Variants in ERBB4 observed in about 807,000 individuals in gnomAD.
The protein encoded by ERBB4 is receptor tyrosine-protein kinase erbB-4.
In ERBB4, 42 loss-of-function variants were observed where a neutral mutation model predicts 158.0. The ratio of observed to expected loss-of-function variants is 0.27; its 90% CI spans 0.21 to 0.34. ERBB4 has a LOEUF of 0.34. Ranked by LOEUF, ERBB4 falls within the 10% of genes least tolerant of loss-of-function variation. ERBB4 has a pLI of 1.00. For missense variants in ERBB4, 1,333 were observed against 1,624.1 expected (o/e 0.82, Z 3.08); for synonymous variants, 583 against 558.7 (o/e 1.04, Z -0.61).
chr2:211,975,612 G>GAAGGGT (rs1448733337), intron 2 of ERBB4, among the ~76,000 whole-genome samples: 1 of 152,138 alleles, frequency 6.6e-6, no homozygotes, highest in Admixed American at 6.5e-5. Context: ...TATATATTTT[G>GAAGGGT]AAGGGTAAGC....
intron 25 of ERBB4, among the ~76,000 whole-genome samples, chr2:211,398,699 C>T (rs1452533064): frequency 6.6e-6 from 1 of 152,152 alleles, no homozygotes; most frequent in Admixed American, 6.6e-5. Flanking sequence ...GATGTGATGG[C>T]ATATGCCTGT....
intron 3 of ERBB4, among the ~76,000 whole-genome samples, chr2:211,849,375 T>C (rs1335411456): frequency 6.6e-6 from 1 of 152,020 alleles, no homozygotes; most frequent in Non-Finnish European, 1.5e-5. Flanking sequence ...TTGTATATGA[T>C]TTGAAGTTTG....
intron 1 of ERBB4, among the ~76,000 whole-genome samples, chr2:212,360,928 G>A (rs2089664421): frequency 6.6e-6 from 1 of 151,682 alleles, no homozygotes; most frequent in African/African-American, 2.4e-5. Context: ...TGTCAGATAT[G>A]ATACAGTCCC....
intron 1 of ERBB4, among the ~76,000 whole-genome samples, chr2:212,182,834 G>T (rs2081911859): frequency 6.6e-6 from 1 of 151,256 alleles, no homozygotes; most frequent in Non-Finnish European, 1.5e-5. Context: ...TTTCTGCTAT[G>T]AATAGACTAC....
At chr2:211,938,352 G>A (rs2080386525) in intron 3 of ERBB4, among the ~76,000 whole-genome samples, 1 of 152,122 alleles carries the variant, frequency 6.6e-6, no homozygotes, top group African/African-American at 2.4e-5. Context: ...CCCAGATTCT[G>A]AGCCTGTCTT....
rs140316054 is a variant in ERBB4 at position 212,011,372 on chromosome 2, T to G, written c.235-63756A>C. On this transcript the variant is annotated intron_variant, in intron 2 of 27. Transcript: ENST00000342788. ...TCCCATGTGTTTAGTGGCCACAGTA[T>G]TGGACAGTGCAGATATAGAACATTT... Among the ~76,000 whole-genome samples, 405 of 152,236 alleles carry G rather than the reference T, an allele frequency of 2.7e-3. 4 individuals are homozygous for G. The highest frequency in any genetic ancestry group is 9.1e-3 in the African/African-American group (379 of 41,518).
At chr2:211,572,653 T>A (rs1202793742) in intron 19 of ERBB4, among the ~76,000 whole-genome samples, 3 of 152,206 alleles carry the variant, frequency 2.0e-5, no homozygotes, top group African/African-American at 4.8e-5. Context: ...TCTTCAAGCC[T>A]AGCAGTGCTG....
intron 20 of ERBB4, among the ~76,000 whole-genome samples, chr2:211,438,992 G>GTT (rs1306556850): frequency 2.5e-5 from 3 of 118,946 alleles, no homozygotes; most frequent in African/African-American, 1.1e-4. Context: ...ATATTTGAGT[G>GTT]TGTGTGTGTG....
intron 1 of ERBB4, among the ~76,000 whole-genome samples, chr2:212,360,788 A>G (rs2089657799): frequency 6.6e-6 from 1 of 151,688 alleles, no homozygotes; most frequent in African/African-American, 2.4e-5. Context: ...AAAATCATCT[A>G]AATTCTTCAC....
chr2:212,180,826 G>A (rs1029515248), intron 1 of ERBB4, among the ~76,000 whole-genome samples: 4 of 151,496 alleles, frequency 2.6e-5, no homozygotes, highest in Non-Finnish European at 4.4e-5. Context: ...TTACACTCTT[G>A]GGGACATTTA....
At chr2:211,988,957 AT>A (rs1399260483) in intron 2 of ERBB4, among the ~76,000 whole-genome samples, 1 of 152,028 alleles carries the variant, frequency 6.6e-6, no homozygotes, top group African/African-American at 2.4e-5. Context: ...CCATGAATGA[AT>A]TTTAACAGCA....
chr2:212,232,968 A>G (rs112403393), intron 1 of ERBB4, among the ~76,000 whole-genome samples: 12 of 152,328 alleles, frequency 7.9e-5, no homozygotes, highest in African/African-American at 2.6e-4. Context: ...TGTAAATTCT[A>G]GACAGAATTG....
At chr2:211,819,545 A>G (rs2105937499) in intron 3 of ERBB4, among the ~76,000 whole-genome samples, 1 of 152,172 alleles carries the variant, frequency 6.6e-6, no homozygotes, top group South Asian at 2.1e-4. Context: ...AGTAACTATT[A>G]GGAGTATTTC....
In ERBB4 at chr2:211,944,208, A is replaced by ATATATATATATAG. The variant is rs1559155364; in HGVS notation, c.421+3221_421+3222insCTATATATATATA. Among the ~76,000 whole-genome samples the ATATATATATATAG allele has an allele frequency of 5.6e-4, 11 of 19,472 alleles. 1 individual carries two copies. Among genetic ancestry groups the ATATATATATATAG allele is most frequent in the African/African-American group, 1.2e-3 (7 of 5,756 alleles). The allele number at this position is 19,472 out of a possible 152,430, so 12.8% of individuals were successfully genotyped here. On this transcript the variant is annotated intron_variant, in intron 3 of 27. Transcript: ENST00000342788. The stretch of plus-strand genomic sequence containing the variant: ...ATATATATATATATATACTATATAT[A>ATATATATATATAG]TATATACACACACACACAAAAAAAA...
chr2:212,076,927 A>C (rs1208244283), intron 2 of ERBB4, among the ~76,000 whole-genome samples: 1 of 152,006 alleles, frequency 6.6e-6, no homozygotes, highest in Non-Finnish European at 1.5e-5. Context: ...AAGTATTTAC[A>C]TTAGTTCTAT....
chr2:211,743,464 A>G (rs1358559357), intron 5 of ERBB4, among the ~76,000 whole-genome samples: 1 of 152,230 alleles, frequency 6.6e-6, no homozygotes, highest in Non-Finnish European at 1.5e-5. Context: ...TATTGTGCTT[A>G]AAGATAAAAA....
chr2:211,937,018 G>A (rs1250177828), intron 3 of ERBB4, among the ~76,000 whole-genome samples: 1 of 152,116 alleles, frequency 6.6e-6, no homozygotes, highest in East Asian at 1.9e-4. Flanking sequence ...TTCTAGAAAA[G>A]TAATAAGAGG....
intron 20 of ERBB4, among the ~76,000 whole-genome samples, chr2:211,558,124 T>C (rs1250610301): frequency 6.6e-6 from 1 of 152,176 alleles, no homozygotes; most frequent in Non-Finnish European, 1.5e-5. Context: ...GAAAGGTGGC[T>C]GAAAACAATG....
At chr2:211,715,411 T>C (rs1371703118) in intron 7 of ERBB4, among the ~76,000 whole-genome samples, 1 of 152,190 alleles carries the variant, frequency 6.6e-6, no homozygotes, top group Non-Finnish European at 1.5e-5. Flanking sequence ...TAACCTAATC[T>C]CTATCTCAGG....
Sources: allele counts gnomAD v4.1 joint callset (sites outside exome capture counted in the v4.1 genomes callset), GRCh38; gene constraint gnomAD v4.1.1; transcripts MANE v1.5; gene names NCBI Gene and HGNC (gene_info 2026-07-23, HGNC 2026-07-21).